FAM163A: variants seen among roughly 807,000 people sequenced by gnomAD.
The protein encoded by FAM163A is protein FAM163A.
A neutral mutation model predicts 12.0 loss-of-function variants in FAM163A; 7 were observed. That is an observed-to-expected ratio of 0.58 (90% CI 0.33 to 1.10). FAM163A has a LOEUF of 1.10. Among genes scored for constraint, FAM163A ranks in the 50% least tolerant of loss-of-function variants. The probability of loss-of-function intolerance (pLI) is 0.03; values close to 1 mark genes in which losing one functional copy is unlikely to be tolerated. For missense variants in FAM163A, 202 were observed against 218.6 expected (o/e 0.92, Z 0.48); for synonymous variants, 101 against 91.0 (o/e 1.11, Z -0.62).
At chr1:179,796,795 T>A (rs1692393795) in intron 1 of FAM163A, among the ~76,000 whole-genome samples, 2 of 152,268 alleles carry the variant, frequency 1.3e-5, no homozygotes, top group Admixed American at 6.5e-5. Context: ...CTGTAGACAC[T>A]GTATCTTAAC....
intron 1 of FAM163A, among the ~76,000 whole-genome samples, chr1:179,804,176 G>A (rs965291469): frequency 2.0e-5 from 3 of 152,134 alleles, no homozygotes; most frequent in Non-Finnish European, 2.9e-5. Flanking sequence ...CATCTGCTAA[G>A]AATATAGATT....
intron 1 of FAM163A, among the ~76,000 whole-genome samples, chr1:179,799,789 A>G (rs1692902369): frequency 6.6e-6 from 1 of 152,238 alleles, no homozygotes; most frequent in Non-Finnish European, 1.5e-5. Flanking sequence ...TCAGAACTTC[A>G]GGAGCTCCAG....
At chr1:179,796,426 A>G (rs909343452) in intron 1 of FAM163A, among the ~76,000 whole-genome samples, 4 of 152,208 alleles carry the variant, frequency 2.6e-5, no homozygotes, top group Admixed American at 6.5e-5. Context: ...ATGTTTATTG[A>G]AGATTTGGGG....
At chr1:179,748,029 T>A (rs545265343) in intron 1 of FAM163A, among the ~76,000 whole-genome samples, 2 of 151,944 alleles carry the variant, frequency 1.3e-5, no homozygotes, top group East Asian at 3.9e-4. Context: ...ACCAGTGGTG[T>A]GGAAGGCTGT....
intron 1 of FAM163A, among the ~76,000 whole-genome samples, chr1:179,790,583 C>T (rs570082772): frequency 1.3e-5 from 2 of 152,244 alleles, no homozygotes; most frequent in African/African-American, 4.8e-5. Context: ...AGCTTTGTCT[C>T]CCCTAAGAGA....
upstream of FAM163A, among the ~76,000 whole-genome samples, chr1:179,741,027 A>G (rs1683572888): frequency 6.6e-6 from 1 of 152,252 alleles, no homozygotes; most frequent in Non-Finnish European, 1.5e-5. Context: ...AGTAGAAGAT[A>G]CTTGCAGTCT....
At chr1:179,797,684 C>G (rs961691462) in intron 1 of FAM163A, among the ~76,000 whole-genome samples, 2 of 151,994 alleles carry the variant, frequency 1.3e-5, no homozygotes, top group African/African-American at 4.8e-5. Flanking sequence ...TGTTTTACAT[C>G]ATCTTTATCT....
intron 3 of FAM163A, 71 bp from the exon 4 acceptor site, chr1:179,813,004 AG>A: frequency 7.0e-7 from 1 of 1,422,760 alleles, no homozygotes; most frequent in Non-Finnish European, 9.6e-7. Context: ...GGGCAGTTCC[AG>A]GAAGACTCCC....
chr1:179,792,715 A>G (rs76623711), intron 1 of FAM163A, among the ~76,000 whole-genome samples: 2,893 of 152,184 alleles, frequency 0.019, 94 homozygotes, highest in African/African-American at 0.066. Context: ...CCATCACCTC[A>G]CAGAGCTCAT....
intron 1 of FAM163A, among the ~76,000 whole-genome samples, chr1:179,757,104 A>G (rs572843920): frequency 6.6e-6 from 1 of 152,166 alleles, no homozygotes; most frequent in African/African-American, 2.4e-5. Flanking sequence ...CACAGCAAGT[A>G]TAGACTTTTA....
chr1:179,796,368 A>C (rs559733090), intron 1 of FAM163A, among the ~76,000 whole-genome samples: 8 of 152,344 alleles, frequency 5.3e-5, no homozygotes, highest in African/African-American at 1.9e-4. Flanking sequence ...AAGGTGTCAC[A>C]TTTAAAGAGA....
At chr1:179,750,055 C>T (rs1307889754) in intron 1 of FAM163A, among the ~76,000 whole-genome samples, 1 of 152,114 alleles carries the variant, frequency 6.6e-6, no homozygotes, top group Non-Finnish European at 1.5e-5. Context: ...GCTGGTAGAA[C>T]ACCAGGGCTC....
At chr1:179,797,925 T>C (rs1044106519) in intron 1 of FAM163A, among the ~76,000 whole-genome samples, 1 of 152,080 alleles carries the variant, frequency 6.6e-6, no homozygotes, top group Non-Finnish European at 1.5e-5. Context: ...TGTGTGTGTA[T>C]AACTATTAAG....
At chr1:179,799,535 A>G (rs1692856965) in intron 1 of FAM163A, among the ~76,000 whole-genome samples, 1 of 152,282 alleles carries the variant, frequency 6.6e-6, no homozygotes. Context: ...GGAAATAGTC[A>G]TGTGACTGTG....
At chr1:179,789,538 C>G (rs190890640) in intron 1 of FAM163A, among the ~76,000 whole-genome samples, 1 of 152,312 alleles carries the variant, frequency 6.6e-6, no homozygotes, top group African/African-American at 2.4e-5. Context: ...CCTTCTTTTC[C>G]TTATTTTAGA....
intron 1 of FAM163A, among the ~76,000 whole-genome samples, chr1:179,795,163 T>A (rs1692099032): frequency 6.6e-6 from 1 of 152,204 alleles, no homozygotes; most frequent in Non-Finnish European, 1.5e-5. Context: ...AAAAGCAATT[T>A]ATGACACATC....
intron 1 of FAM163A, among the ~76,000 whole-genome samples, chr1:179,783,681 T>C (rs1028920938): frequency 6.9e-6 from 1 of 145,152 alleles, no homozygotes; most frequent in Non-Finnish European, 1.5e-5. Context: ...TCAGCCACTA[T>C]GTAGGACTGC....
Position 179,757,460 on chromosome 1 carries a change from C to T in FAM163A, c.-136+14037C>T, listed in dbSNP as rs894781038. On this transcript the variant is annotated intron_variant, in intron 1 of 4. Transcript: ENST00000341785. Reference sequence around the variant, plus strand: ...GGAGATGGGGGTAGGAAGCTTAAATCATTTACCCCTGATGGCATCAGTGCC... The same window carrying T: ...GGAGATGGGGGTAGGAAGCTTAAATTATTTACCCCTGATGGCATCAGTGCC... 3.9e-5 allele frequency among the ~76,000 whole-genome samples: 6 copies of T among 152,248 alleles called. No individual in the cohort carries two copies. In the East Asian group the frequency reaches 1.2e-3, roughly 29 times the overall value.
intron 1 of FAM163A, among the ~76,000 whole-genome samples, chr1:179,784,445 C>T (rs1690312946): frequency 6.6e-6 from 1 of 152,206 alleles, no homozygotes; most frequent in African/African-American, 2.4e-5. Flanking sequence ...AAAATAAAGA[C>T]AATTCTGCAT....
Sources: allele counts gnomAD v4.1 joint callset (sites outside exome capture counted in the v4.1 genomes callset), GRCh38; gene constraint gnomAD v4.1.1; transcripts MANE v1.5; gene names NCBI Gene and HGNC (gene_info 2026-07-23, HGNC 2026-07-21).